The following TAF4 variants were observed in gnomAD, a reference collection of about 807,000 sequenced individuals.
The protein encoded by TAF4 is TATA-box binding protein associated factor 4, also known as transcription initiation factor TFIID subunit 4.
TAF4 carries 9 observed loss-of-function variants against 90.3 expected under a neutral mutation model. The ratio of observed to expected loss-of-function variants is 0.10; its 90% CI spans 0.06 to 0.17. TAF4 has a LOEUF of 0.17. Among genes scored for constraint, TAF4 ranks in the 10% least tolerant of loss-of-function variants. The pLI is 1.00. For missense variants in TAF4, 1,351 were observed against 1,370.7 expected (o/e 0.99, Z 0.23); for synonymous variants, 818 against 638.9 (o/e 1.28, Z -4.23).
At chr20:61,992,366 G>A (rs961337405) in intron 14 of TAF4, among the ~76,000 whole-genome samples, 1 of 152,174 alleles carries the variant, frequency 6.6e-6, no homozygotes, top group East Asian at 1.9e-4. Context: ...CTCAGGCTAT[G>A]TCCAAAGGTA....
In TAF4 at chr20:62,065,353, G is replaced by C. The variant is rs1192187788; in HGVS notation, c.458C>G (p.Ala153Gly). 5.2e-6 allele frequency: 5 copies of C among 968,712 alleles called. No individual in the cohort carries two copies. The South Asian group carries it at 1.9e-4, about 37-fold the overall frequency. The allele number at this position is 968,712 out of a possible 1,614,324, so 60.0% of individuals were successfully genotyped here. A position where few individuals can be genotyped will look rare whatever the true frequency, so the allele number is the denominator to read the frequency against. ...AAAVAAGPEP[A>G]PAGPAKPAGP... is the part of the protein sequence containing the mutation. ...GGCGGGCTTGGCGGGGCCGGCGGGG[G>C]CGGGCTCGGGCCCCGCGGCGACGGC... Residue 153 changes from alanine (A) to glycine (G), a missense_variant, in exon 1 of 15, where the codon GCC (alanine) becomes GGC (glycine). Around this residue, in one of 9 missense-constraint regions of TAF4, gnomAD observed 782 missense variants for 536.6 expected, o/e 1.46. Coordinates refer to ENST00000252996, the MANE Select transcript of TAF4 (RefSeq NM_003185.4).
intron 1 of TAF4, among the ~76,000 whole-genome samples, chr20:62,031,907 C>G (rs999701315): frequency 1.3e-5 from 2 of 152,238 alleles, no homozygotes; most frequent in Middle Eastern, 3.4e-3. Context: ...CCAGCAACAC[C>G]GAGACACGGA....
At position 62,051,466 on chromosome 20, in the gene TAF4, C is replaced by A. The variant is rs192662495; in HGVS notation, c.1360+12985G>T. On this transcript the variant is annotated intron_variant, in intron 1 of 14. Transcript: ENST00000252996. Reference sequence around the variant, plus strand: ...CCTCCCCACAGGGCCCTGGGACTGCCCTCCCCAGGCTGCACGTGCAGAGGG... The same window carrying A: ...CCTCCCCACAGGGCCCTGGGACTGCACTCCCCAGGCTGCACGTGCAGAGGG... Among the ~76,000 whole-genome samples the A allele has an allele frequency of 2.0e-5, 3 of 152,264 alleles. No individual in the cohort carries two copies. In the East Asian group the frequency reaches 5.8e-4, roughly 29 times the overall value.
chr20:62,023,845 G>A lies in TAF4; in HGVS notation c.1361-9138C>T, dbSNP rs2055859295. On this transcript the variant is annotated intron_variant, in intron 1 of 14. Coordinates refer to ENST00000252996, the MANE Select transcript of TAF4 (RefSeq NM_003185.4). ...CACCTGTAATCCCAGCACTCTGGGA[G>A]GCCAAGGCAGGCGGATCGCCTGAGG... is the stretch of plus-strand genomic sequence containing the variant. Among the ~76,000 whole-genome samples, 3 of 151,862 alleles carry A rather than the reference G, an allele frequency of 2.0e-5. No individual in the cohort carries two copies. In the South Asian group the frequency reaches 6.2e-4, roughly 32 times the overall value.
intron 1 of TAF4, among the ~76,000 whole-genome samples, chr20:62,023,322 A>G (rs2055854506): frequency 5.3e-5 from 8 of 151,774 alleles, no homozygotes; most frequent in Admixed American, 5.3e-4. Flanking sequence ...GCACCCCTGT[A>G]GTGGAGGCTG....
chr20:61,982,622 CGAGAGGAGA>C (rs2055556685), intron 14 of TAF4, among the ~76,000 whole-genome samples: 1 of 62,418 alleles, frequency 1.6e-5, no homozygotes, highest in African/African-American at 6.6e-5. Context: ...CACACCCACC[CGAGAGGAGA>C]CACCAAACCC....
intron 1 of TAF4, among the ~76,000 whole-genome samples, chr20:62,050,905 A>G (rs924751546): frequency 6.6e-6 from 1 of 151,820 alleles, no homozygotes; most frequent in Non-Finnish European, 1.5e-5. Flanking sequence ...CCTTTCTGCC[A>G]CTACCCACGC....
chr20:61,976,473 C>T, intron 14 of TAF4, 138 bp from the exon 15 acceptor site: 1 of 1,012,336 alleles, frequency 9.9e-7, no homozygotes, highest in East Asian at 2.5e-5. Flanking sequence ...AGGCCCACAG[C>T]TGGAGCTGGG....
intron 1 of TAF4, among the ~76,000 whole-genome samples, chr20:62,016,998 C>T (rs1568933109): frequency 1.3e-5 from 2 of 151,794 alleles, no homozygotes; most frequent in Non-Finnish European, 2.9e-5. Context: ...TTTTAATTAG[C>T]CAGGCGTGGT....
At chr20:62,025,009 A>C (rs1162121032) in intron 1 of TAF4, among the ~76,000 whole-genome samples, 1 of 152,206 alleles carries the variant, frequency 6.6e-6, no homozygotes, top group Non-Finnish European at 1.5e-5. Flanking sequence ...ACACCACTAC[A>C]CACTCACTAA....
intron 1 of TAF4, among the ~76,000 whole-genome samples, chr20:62,020,935 G>A (rs992356467): frequency 3.3e-5 from 5 of 152,162 alleles, no homozygotes; most frequent in Non-Finnish European, 5.9e-5. Context: ...TGGAGCCAGC[G>A]TGAACATGAG....
Position 62,065,641 on chromosome 20 carries a change from G to C in TAF4, c.170C>G (p.Ala57Gly). The C allele has an allele frequency of 9.5e-7, 1 of 1,054,612 alleles. No individual in the cohort carries two copies. The highest frequency in any genetic ancestry group is 1.1e-6 in the Non-Finnish European group (1 of 877,220). 65.3% of individuals were successfully genotyped at this position (1,054,612 alleles called of 1,614,324 possible). A position where few individuals can be genotyped will look rare whatever the true frequency, so the allele number is the denominator to read the frequency against. The change falls in exon 1 of 15, where the codon GCG becomes GGG. Residue 57 changes from alanine to glycine, a missense_variant. By Grantham distance (60) the Ala-to-Gly change is moderately conservative (BLOSUM62 0). This residue lies in a region of TAF4 where 782 missense variants were observed against 536.6 expected (regional missense o/e 1.46). Transcript: ENST00000252996. ...TPEVRAAAAG[A>G]LGNHVVSGSP... ...GCCGCTCACAACATGGTTCCCGAGC[G>C]CGCCGGCGGCCGCGGCCCGCACCTC...
At chr20:62,021,435 C>G (rs1436406909) in intron 1 of TAF4, among the ~76,000 whole-genome samples, 1 of 152,270 alleles carries the variant, frequency 6.6e-6, no homozygotes, top group African/African-American at 2.4e-5. Context: ...GAACCCACAG[C>G]CCTTCTAGCT....
chr20:61,989,462 AG>A (rs1479564934), intron 14 of TAF4, among the ~76,000 whole-genome samples: 7 of 152,136 alleles, frequency 4.6e-5, no homozygotes, highest in Non-Finnish European at 4.4e-5. Flanking sequence ...CAAACACAAC[AG>A]GGGTCCCGGC....
In TAF4 at chr20:62,065,203, G is replaced by C. The variant is rs1214704984; in HGVS notation, c.608C>G (p.Ala203Gly). Residue 203 changes from alanine (A) to glycine (G), a missense_variant, in exon 1 of 15, where the codon GCG becomes GGG. Ala to Gly is a moderately conservative substitution (Grantham distance 60). Around this residue, in one of 9 missense-constraint regions of TAF4, gnomAD observed 782 missense variants for 536.6 expected, o/e 1.46. Transcript: ENST00000252996. ...GGCGGCGTGGTGCGAGTTCAGCAGC[G>C]CGGCGCTCCCATTCAAAGTTTGCGC... ...GAAQTLNGSA[A>G]LLNSHHAAAP... 38 of 1,186,286 alleles carry C rather than the reference G, an allele frequency of 3.2e-5. No homozygotes were observed. The highest frequency in any genetic ancestry group is 4.1e-5 in the Non-Finnish European group (38 of 935,288). The allele number at this position is 1,186,286 out of a possible 1,614,324, so 73.5% of individuals were successfully genotyped here.
At chr20:61,996,143 G>A (rs1035948777) in intron 14 of TAF4, among the ~76,000 whole-genome samples, 1 of 152,086 alleles carries the variant, frequency 6.6e-6, no homozygotes, top group Non-Finnish European at 1.5e-5. Flanking sequence ...AGCATACCAC[G>A]TACAGGGAAC....
At chr20:62,015,858 T>C (rs1007042838) in intron 1 of TAF4, among the ~76,000 whole-genome samples, 1 of 152,196 alleles carries the variant, frequency 6.6e-6, no homozygotes, top group Non-Finnish European at 1.5e-5. Flanking sequence ...TCAAGAATAA[T>C]GGTGATGCCT....
rs1385123415 is a variant in TAF4, at chr20:62,054,710, G to A, written c.1360+9741C>T. ...CTGGCCTCTCCCGGCACTCCTCTCT[G>A]GCTCCCAAGCTGGCCCAGCCTTGGA... On this transcript the variant is annotated intron_variant, in intron 1 of 14. Transcript: ENST00000252996. 2.0e-5 allele frequency among the ~76,000 whole-genome samples: 3 copies of A among 152,054 alleles called. 1 individual carries two copies. The highest frequency in any genetic ancestry group is 4.4e-5 in the Non-Finnish European group (3 of 67,992).
intron 1 of TAF4, among the ~76,000 whole-genome samples, chr20:62,020,868 G>A (rs962970334): frequency 3.4e-4 from 52 of 152,208 alleles, no homozygotes; most frequent in African/African-American, 1.2e-3. Context: ...GAGCATTCCA[G>A]AAAACACAAC....
Sources: gnomAD v4.1 joint callset for allele counts (sites outside exome capture counted in the v4.1 genomes callset) on GRCh38, gnomAD v4.1.1 for gene constraint, gnomAD v4.1.1 regional missense constraint, MANE v1.5 for transcripts, NCBI Gene and HGNC (gene_info 2026-07-23, HGNC 2026-07-21) for gene names.